The following AFF2 variants were observed in gnomAD, a reference collection of about 807,000 sequenced individuals.
AFF2 encodes ALF transcription elongation factor 2, also known as AF4/FMR2 family member 2.
A neutral mutation model predicts 76.9 loss-of-function variants in AFF2; 14 were observed. The observed-to-expected ratio is 0.18, with a 90% CI of 0.12 to 0.28. AFF2 has a LOEUF of 0.28. Among genes scored for constraint, AFF2 ranks in the 10% least tolerant of loss-of-function variants. The pLI is 1.00. For synonymous variants in AFF2, 398 were observed against 366.7 expected (o/e 1.09, Z -0.98); for missense variants, 868 against 1,001.1 (o/e 0.87, Z 1.79).
Position 148,997,562 on chromosome X carries a change from T to C in AFF2, c.*6230T>C, listed in dbSNP as rs1557293502. On this transcript the variant is annotated 3_prime_UTR_variant, in exon 21 of 21. Transcript: ENST00000370460. ...GAGGAGATCCATGTCTTACTCGCTC[T>C]TTCTGGCCCTTCTGTCTTTTGCCTC... The C allele has an allele frequency of 8.9e-6, 1 of 112,569 alleles. No homozygotes were observed. Among genetic ancestry groups the C allele is most frequent in the African/African-American group, 3.2e-5 (1 of 30,956 alleles). 9.3% of individuals were successfully genotyped at this position (112,569 alleles called of 1,213,427 possible).
chrX:148,850,076 G>A (rs782479500), intron 7 of AFF2, among the ~76,000 whole-genome samples: 1 of 111,723 alleles, frequency 9.0e-6, no homozygotes, highest in South Asian at 3.9e-4. Flanking sequence ...CATCCAGATT[G>A]TGTCACCAGG....
chrX:148,646,524 C>T (rs782183370), intron 1 of AFF2, among the ~76,000 whole-genome samples: 2 of 111,859 alleles, frequency 1.8e-5, no homozygotes, highest in Non-Finnish European at 3.8e-5. Flanking sequence ...AATATTAAGC[C>T]TGTTTCTGCC....
chrX:148,657,835 A>T (rs782710653), intron 2 of AFF2, among the ~76,000 whole-genome samples: 26 of 112,505 alleles, frequency 2.3e-4, no homozygotes, highest in Admixed American at 8.4e-4. Flanking sequence ...TATAATGTTC[A>T]ATCAAGATTA....
At chrX:148,960,717 G>C (rs2072099227) in intron 12 of AFF2, among the ~76,000 whole-genome samples, 1 of 111,964 alleles carries the variant, frequency 8.9e-6, no homozygotes, top group Non-Finnish European at 1.9e-5. Context: ...TTCCACACCA[G>C]ACTATGACAG....
chrX:148,569,980 G>C (rs1221619950), intron 1 of AFF2, among the ~76,000 whole-genome samples: 1 of 111,446 alleles, frequency 9.0e-6, no homozygotes, highest in Non-Finnish European at 1.9e-5. Context: ...TGGCTTGATT[G>C]ATATATACTC....
chrX:148,622,777 G>A (rs1205051334), intron 1 of AFF2, among the ~76,000 whole-genome samples: 1 of 111,617 alleles, frequency 9.0e-6, no homozygotes, highest in African/African-American at 3.3e-5. Flanking sequence ...AGGCCAACCT[G>A]TGCCAGATTT....
intron 17 of AFF2, 101 bp from the exon 18 acceptor site, chrX:148,978,260 CA>C: frequency 1.7e-6 from 1 of 605,910 alleles, no homozygotes; most frequent in Non-Finnish European, 2.7e-6. Flanking sequence ...TCAATCTAAC[CA>C]TAGGAAAGTA....
intron 7 of AFF2, among the ~76,000 whole-genome samples, chrX:148,875,468 C>T (rs186510517): frequency 1.8e-5 from 2 of 111,848 alleles, no homozygotes; most frequent in Admixed American, 9.5e-5. Context: ...GAGTAATTAT[C>T]AGAACAAATG....
intron 1 of AFF2, among the ~76,000 whole-genome samples, chrX:148,510,976 G>A (rs1340449576): frequency 1.8e-5 from 2 of 112,095 alleles, no homozygotes; most frequent in African/African-American, 6.5e-5. Flanking sequence ...GTGGGTACAG[G>A]TAGGTGTGTT....
At chrX:148,688,856 GTATCTAAACA>G (rs782557707) in intron 3 of AFF2, among the ~76,000 whole-genome samples, 1 of 111,763 alleles carries the variant, frequency 8.9e-6, no homozygotes, top group East Asian at 2.8e-4. Context: ...AAGTATTTGT[GTATCTAAACA>G]TATCTAAACA....
intron 1 of AFF2, among the ~76,000 whole-genome samples, chrX:148,622,156 C>A (rs1010260646): frequency 8.9e-6 from 1 of 111,922 alleles, no homozygotes; most frequent in African/African-American, 3.2e-5. Context: ...CAGCCCTTTG[C>A]GAAAGCTCTG....
chrX:148,509,694 C>T lies in AFF2; in HGVS notation c.47+8550C>T, dbSNP rs145394006. ...GTTCACAAATACATTGTTTCTTTTG[C>T]TCTTTCTCCTTTTCTAAAAATATAA... On this transcript the variant is annotated intron_variant, in intron 1 of 20. Coordinates refer to ENST00000370460, the MANE Select transcript of AFF2 (RefSeq NM_002025.4). 4.4e-3 allele frequency among the ~76,000 whole-genome samples: 499 copies of T among 112,223 alleles called. 2 individuals carry two copies. Among genetic ancestry groups the T allele is most frequent in the Non-Finnish European group, 7.3e-3 (389 of 53,207 alleles).
intron 3 of AFF2, among the ~76,000 whole-genome samples, chrX:148,748,153 A>C (rs974100064): frequency 1.8e-5 from 2 of 112,222 alleles, no homozygotes; most frequent in Non-Finnish European, 3.8e-5. Flanking sequence ...CAGATAGCAC[A>C]TTATATAAAA....
chrX:148,666,585 A>AAAATAAAT (rs57375084), intron 3 of AFF2, among the ~76,000 whole-genome samples: 73 of 100,980 alleles, frequency 7.2e-4, no homozygotes, highest in East Asian at 3.9e-3. Context: ...CTCTGTCTCA[A>AAAATAAAT]AAATAAATAA....
chrX:148,839,933 G>A (rs1291393699), intron 5 of AFF2, among the ~76,000 whole-genome samples: 2 of 107,542 alleles, frequency 1.9e-5, no homozygotes, highest in African/African-American at 3.5e-5. Flanking sequence ...GTGTGTGTGT[G>A]TGTATGTGTA....
chrX:148,927,493 G>A (rs192263064), intron 9 of AFF2, among the ~76,000 whole-genome samples: 2 of 103,936 alleles, frequency 1.9e-5, no homozygotes, highest in African/African-American at 7.2e-5. Flanking sequence ...TTTTTTTTCT[G>A]TCGTACATTC....
chrX:148,889,731 T>G (rs1258659593), intron 8 of AFF2, among the ~76,000 whole-genome samples: 1 of 111,793 alleles, frequency 8.9e-6, no homozygotes, highest in Non-Finnish European at 1.9e-5. Context: ...TAGGAGAGCG[T>G]GTGAGAGTAT....
chrX:148,852,194 C>T (rs1311129040), intron 7 of AFF2, among the ~76,000 whole-genome samples: 4 of 110,656 alleles, frequency 3.6e-5, no homozygotes, highest in Non-Finnish European at 7.6e-5. Context: ...CATACGTGTG[C>T]GTGTGTCTTT....
At position 148,973,569 on chromosome X, in the gene AFF2, C is replaced by T; in HGVS notation, c.3366C>T (p.Ser1122=). The change falls in exon 16 of 21, where the codon TCC becomes TCT. Residue 1122 remains serine (S), a synonymous_variant. Transcript: ENST00000370460. The part of the protein sequence containing the change: ...AMERDPLEAK[S]PYTMYSETVE... ...AACGCGACCCTCTGGAAGCAAAGTCCCCATACACCATGTACTCTGAGACTG... is the reference window on the plus strand; with the variant it reads ...AACGCGACCCTCTGGAAGCAAAGTCTCCATACACCATGTACTCTGAGACTG... 8.3e-7 allele frequency: 1 copy of T among 1,211,238 alleles called. No individual in the cohort carries two copies. Among genetic ancestry groups the T allele is most frequent in the Non-Finnish European group, 1.1e-6 (1 of 895,015 alleles).
Sources: gnomAD v4.1 joint callset for allele counts (sites outside exome capture counted in the v4.1 genomes callset) on GRCh38, gnomAD v4.1.1 for gene constraint, MANE v1.5 for transcripts, NCBI Gene and HGNC (gene_info 2026-07-23, HGNC 2026-07-21) for gene names.